The following GRM3 variants were observed in gnomAD, a reference collection of about 807,000 sequenced individuals.
GRM3 encodes metabotropic glutamate receptor 3.
A neutral mutation model predicts 70.5 loss-of-function variants in GRM3; 26 were observed. That is an observed-to-expected ratio of 0.37 (90% CI 0.27 to 0.51). The LOEUF (loss-of-function observed/expected upper bound fraction) is 0.51. Among genes scored for constraint, GRM3 ranks in the 20% least tolerant of loss-of-function variants. The pLI, the probability that GRM3 is intolerant of heterozygous loss-of-function variation, is 0.93. For missense variants in GRM3, 859 were observed against 1,123.8 expected (o/e 0.76, Z 3.37); for synonymous variants, 443 against 434.9 (o/e 1.02, Z -0.23).
chr7:86,801,064 CTTTT>C (rs67046105), intron 3 of GRM3, among the ~76,000 whole-genome samples: 1 of 86,824 alleles, frequency 1.2e-5, no homozygotes, highest in Admixed American at 1.5e-4. Flanking sequence ...CAAACTTCTT[CTTTT>C]TTTTTTTTTT....
At chr7:86,722,438 T>C (rs1795489730) in intron 1 of GRM3, among the ~76,000 whole-genome samples, 1 of 152,038 alleles carries the variant, frequency 6.6e-6, no homozygotes, top group Admixed American at 6.6e-5. Context: ...AAGGATGAGT[T>C]AATATCCTTT....
intron 1 of GRM3, among the ~76,000 whole-genome samples, chr7:86,685,995 G>A (rs1003319482): frequency 4.0e-5 from 6 of 151,532 alleles, no homozygotes; most frequent in African/African-American, 7.3e-5. Flanking sequence ...CTTGAGCACC[G>A]TATCTGGCAA....
At chr7:86,767,551 A>G (rs1562854614) in intron 2 of GRM3, among the ~76,000 whole-genome samples, 1 of 132,264 alleles carries the variant, frequency 7.6e-6, no homozygotes, top group African/African-American at 3.1e-5. Flanking sequence ...ATATATATAT[A>G]TATATATAAA....
At chr7:86,752,283 GC>G (rs2116364598) in intron 1 of GRM3, among the ~76,000 whole-genome samples, 1 of 152,208 alleles carries the variant, frequency 6.6e-6, no homozygotes, top group Admixed American at 6.6e-5. Flanking sequence ...ACTCTTTGGT[GC>G]CTAGCTCTGC....
At chr7:86,754,633 A>T (rs1796302887) in intron 1 of GRM3, among the ~76,000 whole-genome samples, 1 of 152,168 alleles carries the variant, frequency 6.6e-6, no homozygotes, top group Non-Finnish European at 1.5e-5. Context: ...CATTAACCAT[A>T]GTTTTAGCAC....
intron 1 of GRM3, among the ~76,000 whole-genome samples, chr7:86,709,148 T>C (rs560595576): frequency 6.6e-6 from 1 of 152,236 alleles, no homozygotes; most frequent in African/African-American, 2.4e-5. Context: ...AAGGCTGGGT[T>C]TGGCCCTGAA....
At chr7:86,688,995 A>G (rs969881582) in intron 1 of GRM3, among the ~76,000 whole-genome samples, 2 of 148,538 alleles carry the variant, frequency 1.3e-5, no homozygotes, top group Admixed American at 6.8e-5. Context: ...TTTATTATAT[A>G]TTAATTATAT....
At chr7:86,745,161 G>A (rs2116335784) in intron 1 of GRM3, among the ~76,000 whole-genome samples, 1 of 152,206 alleles carries the variant, frequency 6.6e-6, no homozygotes, top group African/African-American at 2.4e-5. Flanking sequence ...GCAGCAAAAT[G>A]TCTGGGCGTT....
intron 1 of GRM3, 24 bp from the exon 2 acceptor site, chr7:86,764,982 T>C (rs1388759694): frequency 1.4e-5 from 20 of 1,428,542 alleles, no homozygotes; most frequent in Non-Finnish European, 1.8e-5. Context: ...ACCATTTTTG[T>C]TCATATAATT....
intron 1 of GRM3, among the ~76,000 whole-genome samples, chr7:86,695,675 C>T (rs1230024058): frequency 6.6e-6 from 1 of 152,022 alleles, no homozygotes; most frequent in Non-Finnish European, 1.5e-5. Flanking sequence ...GTGAAAGTAA[C>T]AATGTCTACC....
chr7:86,763,259 C>T (rs535706951), intron 1 of GRM3, among the ~76,000 whole-genome samples: 1 of 152,244 alleles, frequency 6.6e-6, no homozygotes, highest in Non-Finnish European at 1.5e-5. Flanking sequence ...GAAAAGCAGA[C>T]AGGCATGCTC....
At chr7:86,781,423 T>C (rs1797056988) in intron 2 of GRM3, among the ~76,000 whole-genome samples, 1 of 152,180 alleles carries the variant, frequency 6.6e-6, no homozygotes, top group Non-Finnish European at 1.5e-5. Flanking sequence ...TGAACTGCAA[T>C]ATTGAATTTT....
At chr7:86,737,554 T>C (rs563688414) in intron 1 of GRM3, among the ~76,000 whole-genome samples, 3 of 152,326 alleles carry the variant, frequency 2.0e-5, no homozygotes, top group African/African-American at 7.2e-5. Context: ...AGGCACATAA[T>C]GAAGTACTCA....
At chr7:86,647,152 A>G (rs1158528121) in intron 1 of GRM3, among the ~76,000 whole-genome samples, 1 of 152,210 alleles carries the variant, frequency 6.6e-6, no homozygotes, top group African/African-American at 2.4e-5. Flanking sequence ...GAATCACACA[A>G]TTGAAGATGT....
At chr7:86,795,867 T>C (rs145667100) in intron 3 of GRM3, among the ~76,000 whole-genome samples, 5 of 152,200 alleles carry the variant, frequency 3.3e-5, no homozygotes, top group Non-Finnish European at 5.9e-5. Context: ...CCACCAATAG[T>C]GTAAAAGCAT....
intron 3 of GRM3, among the ~76,000 whole-genome samples, chr7:86,832,325 A>T (rs1360016468): frequency 1.4e-5 from 2 of 139,316 alleles, no homozygotes; most frequent in Non-Finnish European, 3.0e-5. Context: ...ATCTCAGCTC[A>T]CTGCAACCCC....
chr7:86,646,957 A>G (rs1407930852), intron 1 of GRM3, among the ~76,000 whole-genome samples: 5 of 152,250 alleles, frequency 3.3e-5, no homozygotes, highest in Non-Finnish European at 1.5e-5. Context: ...ACACATATCA[A>G]AATGATGAGC....
At chr7:86,695,893 A>G (rs993122559) in intron 1 of GRM3, among the ~76,000 whole-genome samples, 1 of 152,192 alleles carries the variant, frequency 6.6e-6, no homozygotes, top group African/African-American at 2.4e-5. Context: ...AGAGACAATG[A>G]TATCACTCAT....
intron 1 of GRM3, among the ~76,000 whole-genome samples, chr7:86,762,503 C>T (rs953749958): frequency 3.9e-5 from 6 of 152,166 alleles, no homozygotes; most frequent in East Asian, 3.9e-4. Flanking sequence ...AAACACTGGA[C>T]TAGCTCCTGT....
Sources: allele counts gnomAD v4.1 joint callset (sites outside exome capture counted in the v4.1 genomes callset), GRCh38; gene constraint gnomAD v4.1.1; transcripts MANE v1.5; gene names NCBI Gene and HGNC (gene_info 2026-07-23, HGNC 2026-07-21).